Variants in FTO observed in about 807,000 individuals in gnomAD.
FTO encodes the protein alpha-ketoglutarate-dependent dioxygenase FTO.
A neutral mutation model predicts 63.9 loss-of-function variants in FTO; 47 were observed. That is an observed-to-expected ratio of 0.74 (90% CI 0.58 to 0.94). The LOEUF is 0.94. FTO is among the 40% of genes least tolerant of loss of function. The probability of loss-of-function intolerance (pLI) is 0.00; values close to 1 mark genes in which losing one functional copy is unlikely to be tolerated. For missense variants in FTO, 562 were observed against 618.1 expected (o/e 0.91, Z 0.96); for synonymous variants, 207 against 224.4 (o/e 0.92, Z 0.69).
chr16:53,801,143 A>G (rs745556588), intron 1 of FTO, among the ~76,000 whole-genome samples: 48 of 151,172 alleles, frequency 3.2e-4, no homozygotes, highest in Non-Finnish European at 5.6e-4. Flanking sequence ...ACTTTTGTCT[A>G]TTCTTTGATC....
At position 53,749,018 on chromosome 16, in the gene FTO, G is replaced by A. The variant is rs2076716599; in HGVS notation, c.45+44789G>A. ...TGACCTCAGGTGATCCACCCGCCTCGGCTTCCCAAAGTGCTGGGATTACAG... is the reference window on the plus strand; with the variant it reads ...TGACCTCAGGTGATCCACCCGCCTCAGCTTCCCAAAGTGCTGGGATTACAG... On this transcript the variant is annotated intron_variant, in intron 1 of 8. Coordinates refer to ENST00000471389, the MANE Select transcript of FTO (RefSeq NM_001080432.3). Among the ~76,000 whole-genome samples the A allele has an allele frequency of 4.6e-5, 7 of 151,658 alleles. No individual in the cohort carries two copies. The South Asian group carries it at 1.5e-3, about 32-fold the overall frequency.
chr16:53,844,030 G>C (rs1295459660), intron 3 of FTO, 125 bp from the exon 4 acceptor site: 6 of 741,496 alleles, frequency 8.1e-6, no homozygotes, highest in Non-Finnish European at 1.1e-5. Flanking sequence ...GACATAAAGG[G>C]AAGATATATT....
At chr16:53,815,712 G>T (rs939176122) in intron 2 of FTO, among the ~76,000 whole-genome samples, 1 of 143,334 alleles carries the variant, frequency 7.0e-6, no homozygotes, top group South Asian at 2.2e-4. Flanking sequence ...GTAGTGGTGC[G>T]GTCTTGGCTC....
intron 8 of FTO, among the ~76,000 whole-genome samples, chr16:54,050,582 A>G (rs1411151409): frequency 6.6e-6 from 1 of 152,136 alleles, no homozygotes; most frequent in East Asian, 1.9e-4. Flanking sequence ...GCTCCAGTCC[A>G]TACTTTACCT....
intron 2 of FTO, among the ~76,000 whole-genome samples, chr16:53,813,786 A>G (rs1344744563): frequency 6.6e-6 from 1 of 152,070 alleles, no homozygotes; most frequent in African/African-American, 2.4e-5. Flanking sequence ...GCATGCTCTC[A>G]CATGCAATCC....
intron 1 of FTO, among the ~76,000 whole-genome samples, chr16:53,801,429 G>A (rs889512928): frequency 5.9e-5 from 9 of 151,970 alleles, no homozygotes; most frequent in Non-Finnish European, 4.4e-5. Context: ...ATCCCAGAAT[G>A]TACTACTCTT....
At chr16:54,013,549 G>T (rs2084373905) in intron 8 of FTO, 2 of 152,414 alleles carry the variant, frequency 1.3e-5, no homozygotes, top group South Asian at 2.0e-4. Context: ...GCATGCTACA[G>T]AGAAATCTGT....
At chr16:53,911,890 T>A (rs187445489) in intron 7 of FTO, among the ~76,000 whole-genome samples, 27 of 152,330 alleles carry the variant, frequency 1.8e-4, no homozygotes, top group African/African-American at 6.5e-4. Flanking sequence ...TAAAAACAGA[T>A]TGTTGATTTT....
intron 1 of FTO, among the ~76,000 whole-genome samples, chr16:53,721,665 G>A (rs1039617120): frequency 3.3e-5 from 5 of 152,176 alleles, no homozygotes; most frequent in Non-Finnish European, 5.9e-5. Flanking sequence ...TCAGTCTTAG[G>A]TTAACAGGTT....
intron 1 of FTO, among the ~76,000 whole-genome samples, chr16:53,749,342 C>T (rs1387131913): frequency 6.6e-6 from 1 of 151,852 alleles, no homozygotes; most frequent in African/African-American, 2.4e-5. Flanking sequence ...TGGCAATACT[C>T]TAATACTATA....
At chr16:53,868,533 A>G (rs922705841) in intron 4 of FTO, among the ~76,000 whole-genome samples, 3 of 150,840 alleles carry the variant, frequency 2.0e-5, no homozygotes, top group Non-Finnish European at 2.9e-5. Flanking sequence ...TTCACTTACA[A>G]ATAAGCATAG....
chr16:53,900,192 CTG>C (rs1420031645), intron 7 of FTO, among the ~76,000 whole-genome samples: 1 of 152,150 alleles, frequency 6.6e-6, no homozygotes, highest in African/African-American at 2.4e-5. Flanking sequence ...TTCTCAGGAT[CTG>C]TCTTTTAATT....
At chr16:53,871,210 GT>G (rs2080482564) in intron 4 of FTO, among the ~76,000 whole-genome samples, 1 of 152,006 alleles carries the variant, frequency 6.6e-6, no homozygotes, top group Admixed American at 6.6e-5. Flanking sequence ...ATGAAATTTG[GT>G]GAATTTTGGC....
chr16:53,708,510 G>A (rs766714752), intron 1 of FTO, among the ~76,000 whole-genome samples: 2 of 152,200 alleles, frequency 1.3e-5, no homozygotes, highest in South Asian at 2.1e-4. Flanking sequence ...TTGTGTGGAC[G>A]TGTTTTCATT....
At position 53,745,864 on chromosome 16, in the gene FTO, T is replaced by C. The variant is rs544077987; in HGVS notation, c.45+41635T>C. Among the ~76,000 whole-genome samples the C allele has an allele frequency of 1.4e-4, 21 of 152,356 alleles. 1 individual carries two copies. In the Middle Eastern group the frequency reaches 0.01, roughly 74 times the overall value. On this transcript the variant is annotated intron_variant, in intron 1 of 8. Coordinates refer to ENST00000471389, the MANE Select transcript of FTO (RefSeq NM_001080432.3). Reference sequence around the variant, plus strand: ...TGACTAAGTGGCCGTTGTTCATTTCTGTTGCTCTGAAGTCAGGAATGTGGT... The same window carrying C: ...TGACTAAGTGGCCGTTGTTCATTTCCGTTGCTCTGAAGTCAGGAATGTGGT...
chr16:53,719,914 C>T (rs188050734), intron 1 of FTO, among the ~76,000 whole-genome samples: 78 of 152,090 alleles, frequency 5.1e-4, no homozygotes, highest in African/African-American at 1.8e-3. Context: ...TTTTCTTTCT[C>T]ATACCTTAGT....
chr16:53,809,321 A>G (rs2078457741), intron 1 of FTO, among the ~76,000 whole-genome samples: 1 of 152,232 alleles, frequency 6.6e-6, no homozygotes, highest in Non-Finnish European at 1.5e-5. Flanking sequence ...GCAATACCGT[A>G]AGTGGATATG....
chr16:53,801,993 CAA>C (rs2078240631), intron 1 of FTO, among the ~76,000 whole-genome samples: 1 of 152,094 alleles, frequency 6.6e-6, no homozygotes. Context: ...CTCCTGGCCT[CAA>C]GTTATCCACC....
intron 4 of FTO, among the ~76,000 whole-genome samples, chr16:53,865,792 A>G (rs1230729780): frequency 6.6e-6 from 1 of 152,166 alleles, no homozygotes; most frequent in Non-Finnish European, 1.5e-5. Context: ...CAGTCAGATT[A>G]GATTATTGAT....
Sources: allele counts gnomAD v4.1 joint callset (sites outside exome capture counted in the v4.1 genomes callset), GRCh38; gene constraint gnomAD v4.1.1; transcripts MANE v1.5; gene names NCBI Gene and HGNC (gene_info 2026-07-23, HGNC 2026-07-21).